Variants in TENM3 observed in about 807,000 individuals in gnomAD.
TENM3 encodes the protein teneurin-3.
TENM3 carries 63 observed loss-of-function variants against 255.1 expected under a neutral mutation model. That is an observed-to-expected ratio of 0.25 (90% CI 0.20 to 0.30). The LOEUF is 0.30. TENM3 is among the 10% of genes least tolerant of loss of function. The pLI, the probability that TENM3 is intolerant of heterozygous loss-of-function variation, is 1.00. For synonymous variants in TENM3, 1,306 were observed against 1,322.3 expected (o/e 0.99, Z 0.27); for missense variants, 2,929 against 3,461.1 (o/e 0.85, Z 3.86).
intron 22 of TENM3, among the ~76,000 whole-genome samples, chr4:182,763,249 TGTC>T (rs1171955106): frequency 6.6e-6 from 1 of 152,166 alleles, no homozygotes; most frequent in Admixed American, 6.5e-5. Flanking sequence ...AGAAGAAAGA[TGTC>T]ATTCTGTTTC....
At chr4:181,471,392 A>T in the TENM3 span, among the ~76,000 whole-genome samples, 2 of 152,284 alleles carry the variant, frequency 1.3e-5, no homozygotes, top group African/African-American at 4.8e-5. Context: ...TATTTAAAGC[A>T]TTATTTTGCA....
At chr4:182,569,350 T>A (rs1054368751) in intron 3 of TENM3, among the ~76,000 whole-genome samples, 2 of 150,712 alleles carry the variant, frequency 1.3e-5, no homozygotes, top group African/African-American at 4.9e-5. Flanking sequence ...AGGTGAGGAG[T>A]TCGACACCAG....
At chr4:181,546,179 C>T in the TENM3 span, among the ~76,000 whole-genome samples, 3 of 152,138 alleles carry the variant, frequency 2.0e-5, no homozygotes, top group Non-Finnish European at 2.9e-5. Context: ...GGCTTGTCAA[C>T]TCAGATAGCC....
intron 1 of TENM3, among the ~76,000 whole-genome samples, chr4:182,160,349 C>A (rs1751057787): frequency 6.6e-6 from 1 of 152,102 alleles, no homozygotes; most frequent in Non-Finnish European, 1.5e-5. Context: ...TTACCTTTTT[C>A]CACATTACGG....
At chr4:182,116,650 C>T in the TENM3 span, among the ~76,000 whole-genome samples, 1 of 152,150 alleles carries the variant, frequency 6.6e-6, no homozygotes, top group Non-Finnish European at 1.5e-5. Flanking sequence ...AGCCTCTTTC[C>T]TTTGTAAATT....
At chr4:181,564,028 CTTTTCTTTTTTCT>C in the TENM3 span, among the ~76,000 whole-genome samples, 10 of 94,702 alleles carry the variant, frequency 1.1e-4, 1 homozygote, top group East Asian at 5.7e-4. Flanking sequence ...CTTTTCTTTT[CTTTTCTTTTTTCT>C]TTTTTTTTTT....
At chr4:181,573,297 GT>G in the TENM3 span, among the ~76,000 whole-genome samples, 2 of 152,000 alleles carry the variant, frequency 1.3e-5, no homozygotes, top group African/African-American at 4.8e-5. Flanking sequence ...TCTATTTTTA[GT>G]TTTTTGAGGA....
intron 1 of TENM3, among the ~76,000 whole-genome samples, chr4:182,229,497 C>G (rs1756408419): frequency 6.6e-6 from 1 of 152,090 alleles, no homozygotes; most frequent in Non-Finnish European, 1.5e-5. Context: ...TGTAAAAATG[C>G]ATCTCACTTG....
intron 3 of TENM3, among the ~76,000 whole-genome samples, chr4:182,457,750 A>G (rs1276594464): frequency 6.6e-6 from 1 of 151,954 alleles, no homozygotes; most frequent in Non-Finnish European, 1.5e-5. Flanking sequence ...TTTGTAGAAA[A>G]AGGGTCCCAC....
Position 182,737,067 on chromosome 4 carries a change from A to G in TENM3, c.3227A>G (p.Glu1076Gly). 1 of 1,612,754 alleles carries G rather than the reference A, an allele frequency of 6.2e-7. No homozygotes were observed. The highest frequency in any genetic ancestry group is 8.5e-7 in the Non-Finnish European group (1 of 1,179,354). The change falls in exon 17 of 28, where the codon GAA becomes GGA. Residue 1076 changes from glutamate (E) to glycine (G), a missense_variant. Coordinates refer to ENST00000511685, the MANE Select transcript of TENM3 (RefSeq NM_001080477.4). ...AYNQKVYGLS[E>G]AVVSVGYEYE... ...AATCAGAAAGTCTATGGTCTATCTG[A>G]AGCTGTTGGTAAGTTCCATATAAAT...
chr4:181,621,421 G>A, the TENM3 span, among the ~76,000 whole-genome samples: 4 of 152,014 alleles, frequency 2.6e-5, no homozygotes, highest in Admixed American at 6.6e-5. Flanking sequence ...GCAATTTGAC[G>A]AGTTAACTAC....
chr4:181,452,174 CATATTGAAG>C, the TENM3 span, among the ~76,000 whole-genome samples: 1 of 152,050 alleles, frequency 6.6e-6, no homozygotes, highest in Non-Finnish European at 1.5e-5. Context: ...GGGCAAAATC[CATATTGAAG>C]ATGGTTGTTC....
intron 3 of TENM3, among the ~76,000 whole-genome samples, chr4:182,494,634 T>C (rs919427726): frequency 7.2e-5 from 11 of 152,336 alleles, no homozygotes; most frequent in African/African-American, 2.4e-4. Flanking sequence ...TTGATGTTTC[T>C]GTACATTCCC....
chr4:181,708,327 C>T, the TENM3 span, among the ~76,000 whole-genome samples: 8 of 152,054 alleles, frequency 5.3e-5, no homozygotes, highest in Non-Finnish European at 4.4e-5. Context: ...AATTTACGGA[C>T]ATAATTTGGT....
intron 1 of TENM3, among the ~76,000 whole-genome samples, chr4:182,149,891 C>T (rs1434237592): frequency 6.6e-6 from 1 of 151,956 alleles, no homozygotes; most frequent in East Asian, 1.9e-4. Flanking sequence ...CTAGAGCATG[C>T]AAAAACACAG....
the TENM3 span, among the ~76,000 whole-genome samples, chr4:181,496,674 C>T: frequency 6.6e-6 from 1 of 152,188 alleles, no homozygotes; most frequent in African/African-American, 2.4e-5. Context: ...TTTGAAGGTA[C>T]ATGCAATATG....
the TENM3 span, among the ~76,000 whole-genome samples, chr4:182,025,838 T>A: frequency 6.6e-6 from 1 of 152,186 alleles, no homozygotes; most frequent in African/African-American, 2.4e-5. Flanking sequence ...TAATTTTTTT[T>A]ATTATACTTT....
chr4:182,350,822 T>A (rs529051950), intron 3 of TENM3, among the ~76,000 whole-genome samples: 1 of 152,106 alleles, frequency 6.6e-6, no homozygotes, highest in South Asian at 2.1e-4. Flanking sequence ...GTAGCTGGGA[T>A]TACAGGTGCA....
chr4:182,532,714 C>T (rs1404844311), intron 3 of TENM3, among the ~76,000 whole-genome samples: 1 of 152,194 alleles, frequency 6.6e-6, no homozygotes, highest in East Asian at 1.9e-4. Flanking sequence ...AATGCACCAA[C>T]AGGCTGAACA....
Sources: allele counts gnomAD v4.1 joint callset (sites outside exome capture counted in the v4.1 genomes callset), GRCh38; gene constraint gnomAD v4.1.1; transcripts MANE v1.5; gene names NCBI Gene and HGNC (gene_info 2026-07-23, HGNC 2026-07-21).